OTULINL: variants seen among roughly 807,000 people sequenced by gnomAD.
OTULINL encodes inactive ubiquitin thioesterase OTULINL.
In OTULINL, 42 loss-of-function variants were observed where a neutral mutation model predicts 43.9. That is an observed-to-expected ratio of 0.96 (90% confidence interval 0.75 to 1.24). OTULINL has a LOEUF of 1.24. Ranked by LOEUF, OTULINL falls within the 50% of genes most tolerant of loss-of-function variation. The pLI, the probability that OTULINL is intolerant of heterozygous loss-of-function variation, is 0.00. For synonymous variants in OTULINL, 172 were observed against 153.6 expected, an observed-to-expected ratio of 1.12 and a Z score of -0.88; for missense variants, 411 against 426.4, an observed-to-expected ratio of 0.96 and a Z score of 0.32.
At position 14,601,380 on chromosome 5, in the gene OTULINL, T is replaced by A; in HGVS notation, c.286T>A (p.Leu96Ile). ...RNLSVEAEVD[L>I]LSYCAREWKG... The stretch of plus-strand genomic sequence containing the variant: ...CCTCAGTGTGGAGGCAGAGGTTGAT[T>A]TACTCAGTTATTGTGCAAGAGAATG... Residue 96 changes from leucine (L) to isoleucine (I), a missense_variant, in exon 4 of 8, where the codon TTA becomes ATA. Coordinates refer to ENST00000274217, the MANE Select transcript of OTULINL (RefSeq NM_019018.3). 6.2e-7 allele frequency: 1 copy of A among 1,614,196 alleles called. No individual in the cohort carries two copies.
chr5:14,584,925 G>A (rs1203299271), intron 1 of OTULINL, among the ~76,000 whole-genome samples: 2 of 152,220 alleles, frequency 1.3e-5, no homozygotes, highest in African/African-American at 2.4e-5. Context: ...GCAGGCAGGT[G>A]AATTTACCTG....
At chr5:14,596,946 A>C (rs1759297949) in intron 1 of OTULINL, among the ~76,000 whole-genome samples, 2 of 152,130 alleles carry the variant, frequency 1.3e-5, no homozygotes, top group South Asian at 4.1e-4. Context: ...CCCACCTCCA[A>C]TCATCATATG....
chr5:14,604,953 G>C (rs1285457544), intron 5 of OTULINL, among the ~76,000 whole-genome samples: 3 of 152,194 alleles, frequency 2.0e-5, no homozygotes, highest in Admixed American at 6.5e-5. Flanking sequence ...CCATTCTGGG[G>C]TCTGGGGAAC....
intron 5 of OTULINL, among the ~76,000 whole-genome samples, chr5:14,604,355 C>T (rs1340329089): frequency 6.6e-6 from 1 of 152,084 alleles, no homozygotes; most frequent in East Asian, 1.9e-4. Context: ...CTGATAAAGA[C>T]AATCAAGATG....
chr5:14,601,391 T>C lies in OTULINL; in HGVS notation c.297T>C (p.Tyr99=). The C allele has an allele frequency of 1.9e-6, 3 of 1,614,182 alleles. No homozygotes were observed. The highest frequency in any genetic ancestry group is 2.5e-6 in the Non-Finnish European group (3 of 1,180,044). ...SVEAEVDLLS[Y]CAREWKGETP... ...AGGCAGAGGTTGATTTACTCAGTTA[T>C]TGTGCAAGAGAATGGAAAGGAGAGA... is the stretch of plus-strand genomic sequence containing the variant. The change falls in exon 4 of 8, where the codon TAT becomes TAC. Residue 99 remains tyrosine, a synonymous_variant. Coordinates refer to ENST00000274217, the MANE Select transcript of OTULINL (RefSeq NM_019018.3).
rs1355864411 is a variant in OTULINL, at chr5:14,610,166, C to A, written c.923C>A (p.Ser308Tyr). 1.9e-6 allele frequency: 3 copies of A among 1,614,016 alleles called. No homozygotes were observed. Among genetic ancestry groups the A allele is most frequent in the Non-Finnish European group, 2.5e-6 (3 of 1,179,900 alleles). ...ATTGATATGTTTATACTTGGATACT[C>A]CCTTGAAGTAAAGATAAAAGTGTTC... ...EQIDMFILGY[S>Y]LEVKIKVFRL... Residue 308 changes from serine (S) to tyrosine (Y), a missense_variant, in exon 8 of 8, where the codon TCC becomes TAC. Transcript: ENST00000274217.
chr5:14,613,281 C>A lies in OTULINL; in HGVS notation c.*2967C>A, dbSNP rs185126636. The stretch of plus-strand genomic sequence containing the variant: ...ATTCACATTGTTGTGCAACCCTCAC[C>A]ACCATCCACCCTCAGAACTTTTTAA... On this transcript the variant is annotated 3_prime_UTR_variant, in exon 8 of 8. Coordinates refer to ENST00000274217, the MANE Select transcript of OTULINL (RefSeq NM_019018.3). Among the ~76,000 whole-genome samples the A allele has an allele frequency of 6.6e-6, 1 of 152,170 alleles. No homozygotes were observed. Among genetic ancestry groups the A allele is most frequent in the Non-Finnish European group, 1.5e-5 (1 of 68,024 alleles).
chr5:14,582,184 A>G (rs1353185162), intron 1 of OTULINL, among the ~76,000 whole-genome samples: 2 of 151,902 alleles, frequency 1.3e-5, no homozygotes, highest in East Asian at 2.0e-4. Flanking sequence ...GGGACGGGGT[A>G]GCACTTGAAT....
intron 1 of OTULINL, among the ~76,000 whole-genome samples, chr5:14,598,392 G>A (rs562107548): frequency 1.3e-5 from 2 of 152,246 alleles, no homozygotes; most frequent in Non-Finnish European, 2.9e-5. Context: ...CTGGGGTTTA[G>A]GGAAGTAGGT....
Position 14,607,465 on chromosome 5 carries a change from GT to G in OTULINL, c.627+10del. 1 of 1,612,820 alleles carries G rather than the reference GT, an allele frequency of 6.2e-7. No homozygotes were observed. Among genetic ancestry groups the G allele is most frequent in the Non-Finnish European group, 8.5e-7 (1 of 1,179,628 alleles). On this transcript the variant is annotated splice_region_variant and intron_variant, in intron 6 of 7. Coordinates refer to ENST00000274217, the MANE Select transcript of OTULINL (RefSeq NM_019018.3). ...GGAATTATTGAAAACACAGGTAAGT[GT>G]TTGCGGGGGAAATAAAAAGACTAGG...
chr5:14,594,241 G>T (rs1385936892), intron 1 of OTULINL, among the ~76,000 whole-genome samples: 2 of 152,144 alleles, frequency 1.3e-5, no homozygotes, highest in Non-Finnish European at 2.9e-5. Flanking sequence ...GAATCTCCAT[G>T]TGCTCCAAAT....
intron 1 of OTULINL, among the ~76,000 whole-genome samples, chr5:14,585,796 T>C (rs1448920627): frequency 6.6e-6 from 1 of 152,248 alleles, no homozygotes; most frequent in African/African-American, 2.4e-5. Flanking sequence ...GGCATGGGAC[T>C]CCACTCATAA....
intron 1 of OTULINL, among the ~76,000 whole-genome samples, chr5:14,600,709 C>T (rs916019206): frequency 6.6e-6 from 1 of 152,220 alleles, no homozygotes; most frequent in African/African-American, 2.4e-5. Flanking sequence ...GAAGCCCATA[C>T]TCTTTATTCT....
chr5:14,582,282 C>T lies in OTULINL; in HGVS notation c.64+324C>T, dbSNP rs1048156333. 2.6e-5 allele frequency among the ~76,000 whole-genome samples: 4 copies of T among 152,022 alleles called. No homozygotes were observed. In the East Asian group the frequency reaches 7.9e-4, roughly 30 times the overall value. On this transcript the variant is annotated intron_variant, in intron 1 of 7. Coordinates refer to ENST00000274217, the MANE Select transcript of OTULINL (RefSeq NM_019018.3). ...CCGGTCTTTGGGGTCGGGGTCCCCT[C>T]AGAGCCGCGCGGGGAGCCCAGGCAG...
chr5:14,593,089 G>A (rs942597339), intron 1 of OTULINL, among the ~76,000 whole-genome samples: 6 of 152,186 alleles, frequency 3.9e-5, no homozygotes, highest in African/African-American at 1.4e-4. Flanking sequence ...AATCCAGTCG[G>A]TTGCATTTAT....
intron 1 of OTULINL, among the ~76,000 whole-genome samples, chr5:14,600,404 CAG>C (rs1366752096): frequency 6.6e-6 from 1 of 152,228 alleles, no homozygotes; most frequent in African/African-American, 2.4e-5. Flanking sequence ...TGGACGAACA[CAG>C]AGGCGTCTCT....
chr5:14,592,684 A>G (rs990227557), intron 1 of OTULINL, among the ~76,000 whole-genome samples: 2 of 152,242 alleles, frequency 1.3e-5, no homozygotes, highest in African/African-American at 4.8e-5. Context: ...GCATTCTGCA[A>G]TCCCATGAAA....
chr5:14,595,266 A>G lies in OTULINL; in HGVS notation c.65-5699A>G, dbSNP rs139600120. Among the ~76,000 whole-genome samples, 963 of 152,292 alleles carry G rather than the reference A, an allele frequency of 6.3e-3. 2 individuals carry two copies. Among genetic ancestry groups the G allele is most frequent in the Non-Finnish European group, 9.2e-3 (623 of 68,032 alleles). On this transcript the variant is annotated intron_variant, in intron 1 of 7. Transcript: ENST00000274217. The stretch of plus-strand genomic sequence containing the variant: ...AGAGAGAAAGTGTGGAGGTACTGAT[A>G]TTGTATATACCATGAATAAGATCAG...
intron 1 of OTULINL, among the ~76,000 whole-genome samples, chr5:14,582,964 C>T (rs1391281504): frequency 1.3e-5 from 2 of 151,992 alleles, no homozygotes; most frequent in Non-Finnish European, 2.9e-5. Flanking sequence ...AGCATAGCTG[C>T]TGCTTGGTTT....
Sources: allele counts gnomAD v4.1 joint callset (sites outside exome capture counted in the v4.1 genomes callset), GRCh38; gene constraint gnomAD v4.1.1; transcripts MANE v1.5; gene names NCBI Gene and HGNC (gene_info 2026-07-23, HGNC 2026-07-21).